ESPN: variants seen among roughly 807,000 people sequenced by gnomAD.
ESPN encodes the protein espin.
A neutral mutation model predicts 77.7 loss-of-function variants in ESPN; 68 were observed. The observed-to-expected ratio is 0.87, with a 90% CI of 0.72 to 1.07. The LOEUF is 1.07. ESPN is among the 50% of genes least tolerant of loss of function. ESPN has a pLI of 0.00. For missense variants in ESPN, 1,060 were observed against 1,239.0 expected, an observed-to-expected ratio of 0.86 and a Z score of 2.17; for synonymous variants, 449 against 567.1, an observed-to-expected ratio of 0.79 and a Z score of 2.96.
At chr1:6,446,727 G>A (rs2148529518) in intron 7 of ESPN, among the ~76,000 whole-genome samples, 1 of 152,330 alleles carries the variant, frequency 6.6e-6, no homozygotes, top group Non-Finnish European at 1.5e-5. Context: ...GATGGTCTAA[G>A]AGGTGAGGGG....
intron 2 of ESPN, among the ~76,000 whole-genome samples, chr1:6,431,415 C>A (rs571415076): frequency 5.8e-4 from 88 of 152,008 alleles, no homozygotes; most frequent in African/African-American, 2.1e-3. Context: ...TCAAAACCAG[C>A]CTGACCAACA....
chr1:6,446,617 G>C (rs1643849456), intron 7 of ESPN, among the ~76,000 whole-genome samples: 1 of 152,170 alleles, frequency 6.6e-6, no homozygotes, highest in Admixed American at 6.5e-5. Flanking sequence ...TGAGGCTCTG[G>C]AGCAGGGGTT....
rs778528021 is a variant in ESPN at position 6,451,631 on chromosome 1, G to A, written c.1944G>A (p.Pro648=). The stretch of plus-strand genomic sequence containing the variant: ...CCAAGTCTTTCAACATGATGTCCCC[G>A]ACGGGCGACAACTCGGAGCTACTGG... ...GSTKSFNMMS[P]TGDNSELLAE... is the part of the protein sequence containing the mutation. Residue 648 remains proline, a synonymous_variant, in exon 9 of 13, where the codon CCG becomes CCA. Coordinates refer to ENST00000645284, the MANE Select transcript of ESPN (RefSeq NM_031475.3). This position sits in a 1 kb window ranked among gnomAD's most constrained non-coding sequence, Gnocchi z 4.3. The A allele has an allele frequency of 1.6e-5, 26 of 1,613,088 alleles. No homozygotes were observed. In the Admixed American group the frequency reaches 2.8e-4, roughly 18 times the overall value.
At chr1:6,455,542 C>T (rs1013345041) in intron 10 of ESPN, 1 of 398,538 alleles carries the variant, frequency 2.5e-6, no homozygotes, top group Non-Finnish European at 4.4e-6. Flanking sequence ...CGTCGCGTGC[C>T]GGCAAGCCCG....
Position 6,448,890 on chromosome 1 carries a change from C to A in ESPN, c.1714C>A (p.Gln572Lys), listed in dbSNP as rs1249728744. The part of the protein sequence containing the change: ...GSLEGPSAPP[Q>K]AALLPGNHVP... Reference sequence around the variant, plus strand: ...ACTCGAAGGCCCCTCCGCTCCCCCGCAGGCGGCGCTGCTTCCTGGGAACCA... The same window carrying A: ...ACTCGAAGGCCCCTCCGCTCCCCCGAAGGCGGCGCTGCTTCCTGGGAACCA... The change falls in exon 8 of 13, where the codon CAG (glutamine) becomes AAG (lysine). Residue 572 changes from glutamine (Q) to lysine (K), a missense_variant. Around this residue, in one of 3 missense-constraint regions of ESPN, gnomAD observed 130 missense variants for 223.9 expected, o/e 0.58. Coordinates refer to ENST00000645284, the MANE Select transcript of ESPN (RefSeq NM_031475.3). The A allele has an allele frequency of 7.5e-7, 1 of 1,334,614 alleles. No homozygotes were observed. The highest frequency in any genetic ancestry group is 1.5e-5 in the African/African-American group (1 of 65,030). The allele number at this position is 1,334,614 out of a possible 1,614,324, so 82.7% of individuals were successfully genotyped here.
intron 2 of ESPN, among the ~76,000 whole-genome samples, chr1:6,431,456 A>G (rs1324708202): frequency 6.6e-6 from 1 of 151,972 alleles, no homozygotes; most frequent in East Asian, 1.9e-4. Context: ...CAAAAATACA[A>G]AAATTAGCTG....
Position 6,460,669 on chromosome 1 carries a change from T to G in ESPN, c.*523T>G, listed in dbSNP as rs574396403. Reference sequence around the variant, plus strand: ...TCTTATCCCCGCCAAGGGTTTCCTCTCAGTCATTTGTTTACCAGAAACATG... The same window carrying G: ...TCTTATCCCCGCCAAGGGTTTCCTCGCAGTCATTTGTTTACCAGAAACATG... On this transcript the variant is annotated 3_prime_UTR_variant, in exon 13 of 13. Coordinates refer to ENST00000645284, the MANE Select transcript of ESPN (RefSeq NM_031475.3). The G allele has an allele frequency of 5.4e-5, 9 of 165,950 alleles. No individual in the cohort carries two copies. Among genetic ancestry groups the G allele is most frequent in the Non-Finnish European group, 1.1e-4 (8 of 75,910 alleles). The allele number at this position is 165,950 out of a possible 1,614,324, so 10.3% of individuals were successfully genotyped here.
At chr1:6,459,956 G>A (rs1250871695) in intron 12 of ESPN, 43 bp from the exon 13 acceptor site, 2 of 1,611,998 alleles carry the variant, frequency 1.2e-6, no homozygotes, top group Non-Finnish European at 1.7e-6. Flanking sequence ...TGGGTATCTG[G>A]CCCCAGACTT....
chr1:6,429,570 GAGA>G (rs1206861018), intron 2 of ESPN, among the ~76,000 whole-genome samples: 1 of 152,198 alleles, frequency 6.6e-6, no homozygotes, highest in African/African-American at 2.4e-5. Flanking sequence ...TCAAGCAGAG[GAGA>G]AGGACAGGTC....
At chr1:6,446,887 G>C (rs1316422564) in intron 7 of ESPN, 1 of 152,266 alleles carries the variant, frequency 6.6e-6, no homozygotes, top group Non-Finnish European at 1.5e-5. Context: ...CACTGGGCAA[G>C]GGAGGCATGG....
chr1:6,455,013 C>G (rs1337766981), intron 10 of ESPN: 1 of 376,856 alleles, frequency 2.7e-6, no homozygotes, highest in East Asian at 3.8e-5. Flanking sequence ...CGCGCGCTGT[C>G]CGCGCCGCAA....
Position 6,451,834 on chromosome 1 carries a change from C to G in ESPN, c.2063C>G (p.Pro688Arg). The change falls in exon 10 of 13, where the codon CCC becomes CGC. Residue 688 changes from proline (P) to arginine (R), a missense_variant and splice_region_variant. Pro to Arg is a moderately radical substitution (Grantham distance 103). Around this residue, in one of 3 missense-constraint regions of ESPN, gnomAD observed 374 missense variants for 381.4 expected, o/e 0.98. Coordinates refer to ENST00000645284, the MANE Select transcript of ESPN (RefSeq NM_031475.3). The surrounding 1 kb of genome is among the most constrained non-coding windows in gnomAD (Gnocchi z 4.3). ...CAGCCCCACCGCTTCTCCCTGCAGC[C>G]CGATTCGCCGCTGCCTTCTGTGTCA... ...FSGIGQPAFQ[P>R]DSPLPSVSPA... The G allele has an allele frequency of 6.2e-7, 1 of 1,611,226 alleles. No homozygotes were observed. The highest frequency in any genetic ancestry group is 8.5e-7 in the Non-Finnish European group (1 of 1,179,268).
At chr1:6,431,777 G>A (rs1178676726) in intron 2 of ESPN, among the ~76,000 whole-genome samples, 5 of 152,160 alleles carry the variant, frequency 3.3e-5, no homozygotes, top group African/African-American at 4.8e-5. Flanking sequence ...CAACCACCCC[G>A]AGCAGTAGCT....
intron 10 of ESPN, among the ~76,000 whole-genome samples, chr1:6,452,339 G>C (rs1014704058): frequency 1.3e-5 from 2 of 152,030 alleles, no homozygotes; most frequent in Admixed American, 6.5e-5. Flanking sequence ...CAGGTAGCTG[G>C]GATTACAGGC....
chr1:6,457,989 CA>C (rs1644084928), intron 12 of ESPN, among the ~76,000 whole-genome samples: 1 of 142,228 alleles, frequency 7.0e-6, no homozygotes, highest in Admixed American at 7.3e-5. Context: ...CTGGGCAATG[CA>C]GTGAGACCTC....
rs781641537 is a variant in ESPN, at chr1:6,457,263, G to A, written c.2405G>A (p.Arg802Lys). The change falls in exon 11 of 13, where the codon AGG becomes AAG. Residue 802 changes from arginine to lysine, a missense_variant and splice_region_variant. Physicochemically the swap from Arg to Lys is conservative, Grantham distance 26. Transcript: ENST00000645284. ...DLLRKKLEEE[R>K]EQKRKEEERQ... The stretch of plus-strand genomic sequence containing the variant: ...CTGCGGAAGAAGCTGGAAGAAGAGA[G>A]GTGAGCTGGGGGTCAGGCAGAGGCT... 24 of 1,614,026 alleles carry A rather than the reference G, an allele frequency of 1.5e-5. No individual in the cohort carries two copies. The highest frequency in any genetic ancestry group is 1.6e-4 in the Middle Eastern group (1 of 6,084).
chr1:6,440,631 C>G lies in ESPN; in HGVS notation c.681C>G (p.Ser227Arg). The G allele has an allele frequency of 9.1e-7, 1 of 1,092,982 alleles. No individual in the cohort carries two copies. Among genetic ancestry groups the G allele is most frequent in the Non-Finnish European group, 1.3e-6 (1 of 789,130 alleles). The allele number at this position is 1,092,982 out of a possible 1,614,324, so 67.7% of individuals were successfully genotyped here. A position where few individuals can be genotyped will look rare whatever the true frequency, so the allele number is the denominator to read the frequency against. ...TCCCCGCCCGTCCCGCCCAGGTGAG[C>G]TGCACCGACGTGAGCCTGTCCGAGC... ...GHSPVIVWLVSCTDVSLSEQD... is the reference protein window; with the variant it reads ...GHSPVIVWLVRCTDVSLSEQD... Residue 227 changes from serine to arginine, a missense_variant, in exon 4 of 13, where the codon AGC (serine) becomes AGG (arginine). By Grantham distance (110) the Ser-to-Arg change is moderately radical. Around this residue, in one of 3 missense-constraint regions of ESPN, gnomAD observed 556 missense variants for 633.6 expected, o/e 0.88. Transcript: ENST00000645284.
In ESPN at chr1:6,456,044, G is replaced by C. The variant is rs1382220295; in HGVS notation, c.2326-1140G>C. Reference sequence around the variant, plus strand: ...CGCCCCCGCCCGCCGCGCCTCCCCCGACCTCAGACTCTCCTGGTTCCGAAG... The same window carrying C: ...CGCCCCCGCCCGCCGCGCCTCCCCCCACCTCAGACTCTCCTGGTTCCGAAG... On this transcript the variant is annotated intron_variant, in intron 10 of 12. Transcript: ENST00000645284. 6.3e-5 allele frequency: 17 copies of C among 269,548 alleles called. No individual in the cohort carries two copies. The East Asian group carries it at 9.9e-4, about 16-fold the overall frequency. The allele number at this position is 269,548 out of a possible 1,614,324, so 16.7% of individuals were successfully genotyped here.
intron 10 of ESPN, 76 bp downstream of exon 10, chr1:6,452,172 AC>A: frequency 7.0e-7 from 1 of 1,422,566 alleles, no homozygotes; most frequent in Admixed American, 2.6e-5. Context: ...GCCACCCCCA[AC>A]CCCAACCTCG....
Sources: allele counts gnomAD v4.1 joint callset (sites outside exome capture counted in the v4.1 genomes callset), GRCh38; gene constraint gnomAD v4.1.1; regional missense constraint gnomAD v4.1.1; non-coding constraint Gnocchi (gnomAD v3.1); transcripts MANE v1.5; gene names NCBI Gene and HGNC (gene_info 2026-07-23, HGNC 2026-07-21).